The following FEZ1 variants were observed in gnomAD, a reference collection of about 807,000 sequenced individuals.
The protein encoded by FEZ1 is fasciculation and elongation protein zeta 1, also known as fasciculation and elongation protein zeta-1.
A neutral mutation model predicts 49.3 loss-of-function variants in FEZ1; 20 were observed. The ratio of observed to expected loss-of-function variants is 0.41; its 90% CI spans 0.29 to 0.59. The LOEUF is 0.59. FEZ1 is among the 20% of genes least tolerant of loss of function. FEZ1 has a pLI of 0.36. For missense variants in FEZ1, 413 were observed against 476.0 expected (o/e 0.87, Z 1.23); for synonymous variants, 170 against 180.9 (o/e 0.94, Z 0.48).
Position 125,493,461 on chromosome 11 carries a change from AGAAGGAAAGAAGGAAAGAAGGAAAGAAG to A in FEZ1, c.-46+2632_-46+2659del, listed in dbSNP as rs1565307097. 2.0e-3 allele frequency among the ~76,000 whole-genome samples: 138 copies of A among 68,964 alleles called. 7 individuals carry two copies. Among genetic ancestry groups the A allele is most frequent in the African/African-American group, 1.0e-2 (110 of 11,054 alleles). 45.2% of individuals were successfully genotyped at this position (68,964 alleles called of 152,430 possible). A position where few individuals can be genotyped will look rare whatever the true frequency, so the allele number is the denominator to read the frequency against. Reference sequence around the variant, plus strand: ...AAGAAGGAAAGAAGGAAAGAAGGAAAGAAGGAAAGAAGGAAAGAAGGAAAGAAGGAAAGAAAGAAAGAAAGAGAGAAAG... The same window carrying A: ...AAGAAGGAAAGAAGGAAAGAAGGAAAGAAAGAAAGAAAGAAAGAGAGAAAG... On this transcript the variant is annotated intron_variant, in intron 1 of 9. Coordinates refer to ENST00000278919, the MANE Select transcript of FEZ1 (RefSeq NM_005103.5).
At chr11:125,494,222 A>G (rs2135797217) in intron 1 of FEZ1, among the ~76,000 whole-genome samples, 1 of 152,346 alleles carries the variant, frequency 6.6e-6, no homozygotes, top group Middle Eastern at 3.4e-3. Flanking sequence ...ATTTGTGGAA[A>G]GACCTCAGGC....
chr11:125,454,002 G>A (rs886410969), intron 7 of FEZ1, 128 bp downstream of exon 7: 12 of 454,000 alleles, frequency 2.6e-5, no homozygotes, highest in Admixed American at 4.1e-5. Flanking sequence ...AGAAAAAAGT[G>A]TTAGGACCCC....
chr11:125,457,532 A>G (rs930029947), intron 5 of FEZ1, among the ~76,000 whole-genome samples: 9 of 144,788 alleles, frequency 6.2e-5, no homozygotes, highest in African/African-American at 2.3e-4. Flanking sequence ...AATTTGAAAA[A>G]ATAAAATATA....
chr11:125,456,187 T>A (rs536060182), intron 5 of FEZ1, 81 bp from the exon 6 acceptor site: 1 of 1,334,462 alleles, frequency 7.5e-7, no homozygotes, highest in East Asian at 2.3e-5. Flanking sequence ...CCACCACCAA[T>A]CAAGATGGGA....
At chr11:125,465,377 A>G (rs1267789725) in intron 3 of FEZ1, among the ~76,000 whole-genome samples, 2 of 152,184 alleles carry the variant, frequency 1.3e-5, no homozygotes, top group Admixed American at 1.3e-4. Flanking sequence ...AGTTCCAGGA[A>G]GAAGGCAGGG....
At chr11:125,468,418 A>G (rs946900045) in intron 3 of FEZ1, among the ~76,000 whole-genome samples, 4 of 152,068 alleles carry the variant, frequency 2.6e-5, no homozygotes, top group African/African-American at 7.2e-5. Flanking sequence ...TCTAACTCCT[A>G]GGCTCAAGTG....
chr11:125,448,875 TA>T (rs879496020), intron 8 of FEZ1, among the ~76,000 whole-genome samples: 65 of 143,434 alleles, frequency 4.5e-4, no homozygotes, highest in Middle Eastern at 3.6e-3. Context: ...CATTTCTAAT[TA>T]AAAAAAAAAA....
intron 5 of FEZ1, among the ~76,000 whole-genome samples, chr11:125,457,172 G>A (rs997848804): frequency 6.8e-6 from 1 of 147,466 alleles, no homozygotes; most frequent in African/African-American, 2.5e-5. Flanking sequence ...AACAACAAGA[G>A]CAAAACTCTA....
chr11:125,460,740 T>C, intron 4 of FEZ1, 74 bp from the exon 5 acceptor site: 3 of 1,297,344 alleles, frequency 2.3e-6, no homozygotes, highest in Middle Eastern at 2.0e-4. Context: ...TTTTGATCAG[T>C]TAAGGATGTT....
At chr11:125,465,752 GCCCCAGCCTCT>G (rs1310473264) in intron 3 of FEZ1, among the ~76,000 whole-genome samples, 5 of 152,118 alleles carry the variant, frequency 3.3e-5, no homozygotes, top group African/African-American at 1.2e-4. Flanking sequence ...CCTCCATCGT[GCCCCAGCCTCT>G]TCACCTCCCT....
intron 3 of FEZ1, among the ~76,000 whole-genome samples, chr11:125,478,368 G>A (rs1957250485): frequency 1.3e-5 from 2 of 152,170 alleles, no homozygotes; most frequent in South Asian, 2.1e-4. Flanking sequence ...CTTGAACCTG[G>A]GAGGCGGAGG....
At chr11:125,447,694 C>T (rs570618786) in intron 9 of FEZ1, among the ~76,000 whole-genome samples, 66 of 152,052 alleles carry the variant, frequency 4.3e-4, no homozygotes, top group Middle Eastern at 6.8e-3. Flanking sequence ...TGGTGGCAGG[C>T]GCCTGTAATC....
intron 2 of FEZ1, among the ~76,000 whole-genome samples, chr11:125,486,999 C>A (rs620475): frequency 6.6e-6 from 1 of 151,990 alleles, no homozygotes; most frequent in South Asian, 2.1e-4. Flanking sequence ...CAAATTATAC[C>A]TTATCTCGAA....
chr11:125,448,649 G>T, intron 8 of FEZ1, 82 bp from the exon 9 acceptor site: 1 of 832,048 alleles, frequency 1.2e-6, no homozygotes, highest in Non-Finnish European at 2.1e-6. Flanking sequence ...CACCAGCCCA[G>T]AGTGAGAGAG....
chr11:125,455,119 G>A (rs146284365), intron 6 of FEZ1, among the ~76,000 whole-genome samples: 2 of 151,464 alleles, frequency 1.3e-5, no homozygotes, highest in East Asian at 2.0e-4. Context: ...GGCCAGGCAC[G>A]GTGGCTCATG....
chr11:125,471,090 C>G (rs1957179029), intron 3 of FEZ1, among the ~76,000 whole-genome samples: 1 of 151,888 alleles, frequency 6.6e-6, no homozygotes. Flanking sequence ...AAAAATACGA[C>G]AAGGTATAGA....
chr11:125,459,755 G>C (rs1957055099), intron 5 of FEZ1, among the ~76,000 whole-genome samples: 1 of 152,156 alleles, frequency 6.6e-6, no homozygotes. Context: ...CGGTTAGCTT[G>C]ATCCAAATGG....
At chr11:125,493,506 G>GAA (rs1175620519) in intron 1 of FEZ1, among the ~76,000 whole-genome samples, 1,417 of 67,408 alleles carry the variant, frequency 0.021, 199 homozygotes, top group East Asian at 0.041. Flanking sequence ...AAGAAAGAAA[G>GAA]AGAGAAAGAA....
chr11:125,450,120 C>T lies in FEZ1; in HGVS notation c.1097-1553G>A, dbSNP rs550138414. 2.5e-3 allele frequency among the ~76,000 whole-genome samples: 378 copies of T among 151,868 alleles called. 3 individuals are homozygous for T. The highest frequency in any genetic ancestry group is 8.4e-3 in the African/African-American group (346 of 41,412). On this transcript the variant is annotated intron_variant, in intron 8 of 9. Coordinates refer to ENST00000278919, the MANE Select transcript of FEZ1 (RefSeq NM_005103.5). The stretch of plus-strand genomic sequence containing the variant: ...TCAGCTCACTGCAACCTCCGCCTCC[C>T]GGGTTCAAGCGATTCTCCTGCCTCA...
Sources: gnomAD v4.1 joint callset for allele counts (sites outside exome capture counted in the v4.1 genomes callset) on GRCh38, gnomAD v4.1.1 for gene constraint, MANE v1.5 for transcripts, NCBI Gene and HGNC (gene_info 2026-07-23, HGNC 2026-07-21) for gene names.